The following LRBA variants were observed in gnomAD, a reference collection of about 807,000 sequenced individuals.
The protein encoded by LRBA is LPS responsive beige-like anchor protein.
LRBA carries 176 observed loss-of-function variants against 330.0 expected under a neutral mutation model. That is an observed-to-expected ratio of 0.53 (90% confidence interval 0.47 to 0.60). The LOEUF (loss-of-function observed/expected upper bound fraction) is 0.60, where lower values mean the gene tolerates loss of function less well. Ranked by LOEUF, LRBA falls within the 20% of genes least tolerant of loss-of-function variation. LRBA has a pLI of 0.00. For missense variants in LRBA, 3,259 were observed against 3,444.8 expected, an observed-to-expected ratio of 0.95 and a Z score of 1.35; for synonymous variants, 1,230 against 1,193.0, an observed-to-expected ratio of 1.03 and a Z score of -0.64.
chr4:150,565,942 T>C (rs186013154), intron 40 of LRBA, among the ~76,000 whole-genome samples: 118 of 151,902 alleles, frequency 7.8e-4, no homozygotes, highest in African/African-American at 2.5e-3. Flanking sequence ...AATCATAGCA[T>C]AGAGGCCAAG....
chr4:150,961,696 A>G (rs556172061), intron 2 of LRBA, among the ~76,000 whole-genome samples: 2 of 141,904 alleles, frequency 1.4e-5, no homozygotes, highest in East Asian at 4.0e-4. Context: ...ATGGGAAGCT[A>G]GCTCCATCAG....
intron 43 of LRBA, among the ~76,000 whole-genome samples, chr4:150,468,147 T>TA (rs897368920): frequency 1.2e-4 from 18 of 152,078 alleles, no homozygotes; most frequent in African/African-American, 4.1e-4. Context: ...CTCTTTTTTT[T>TA]ATGACTTTAA....
intron 56 of LRBA, among the ~76,000 whole-genome samples, chr4:150,269,090 A>G (rs1205442838): frequency 6.6e-6 from 1 of 152,208 alleles, no homozygotes; most frequent in African/African-American, 2.4e-5. Context: ...CTAACAAACA[A>G]TGAGCAGTCC....
At chr4:150,964,764 T>C (rs1335689533) in intron 2 of LRBA, among the ~76,000 whole-genome samples, 2 of 152,026 alleles carry the variant, frequency 1.3e-5, no homozygotes, top group African/African-American at 4.8e-5. Context: ...CCCTCCACTA[T>C]TGTCCTATGA....
rs566500689 is a variant in LRBA at position 150,670,141 on chromosome 4, G to A, written c.5921+13410C>T. On this transcript the variant is annotated intron_variant, in intron 37 of 56. Coordinates refer to ENST00000651943, the MANE Select transcript of LRBA (RefSeq NM_001364905.1). ...TTATCTTTTTTCTCATTATTCCATC[G>A]CCTTAAGTTTCAGTATTCACTGATT... 6.6e-5 allele frequency among the ~76,000 whole-genome samples: 10 copies of A among 152,012 alleles called. No individual in the cohort carries two copies. In the South Asian group the frequency reaches 8.3e-4, roughly 13 times the overall value.
rs1283564987 is a variant in LRBA, at chr4:150,749,795, G to C, written c.5645+11988C>G. Among the ~76,000 whole-genome samples, 3 of 151,980 alleles carry C rather than the reference G, an allele frequency of 2.0e-5. No individual in the cohort carries two copies. The East Asian group carries it at 5.8e-4, about 29-fold the overall frequency. ...TAAGCAGAAAAAAAAAACCCTGTAA[G>C]TTATATCATGCCACTCGTCTATTAA... On this transcript the variant is annotated intron_variant, in intron 35 of 56. Coordinates refer to ENST00000651943, the MANE Select transcript of LRBA (RefSeq NM_001364905.1).
chr4:150,603,270 A>G (rs1001726316), intron 37 of LRBA, among the ~76,000 whole-genome samples: 12 of 152,136 alleles, frequency 7.9e-5, no homozygotes, highest in Non-Finnish European at 1.8e-4. Context: ...TAATCTTTCT[A>G]ATTATTTTTT....
In LRBA at chr4:150,321,455, G is replaced by T; in HGVS notation, c.7453-87C>A. 1 of 1,183,310 alleles carries T rather than the reference G, an allele frequency of 8.5e-7. No homozygotes were observed. Among genetic ancestry groups the T allele is most frequent in the Non-Finnish European group, 1.2e-6 (1 of 857,722 alleles). The allele number at this position is 1,183,310 out of a possible 1,614,324, so 73.3% of individuals were successfully genotyped here. A position where few individuals can be genotyped will look rare whatever the true frequency, so the allele number is the denominator to read the frequency against. ...TGAAGAAAGACAAGAAAGAGAGGGG[G>T]TGCAGGAAAAGAAGAGGAAGACCAT... On this transcript the variant is annotated intron_variant, in intron 49 of 56. Coordinates refer to ENST00000651943, the MANE Select transcript of LRBA (RefSeq NM_001364905.1). The surrounding 1 kb of genome is among the most constrained non-coding windows in gnomAD (Gnocchi z 4.5).
chr4:150,396,561 C>T (rs1267130906), intron 47 of LRBA, among the ~76,000 whole-genome samples: 2 of 151,982 alleles, frequency 1.3e-5, no homozygotes, highest in Admixed American at 6.6e-5. Flanking sequence ...TCAACCCACT[C>T]AAGCTGGCAT....
At chr4:150,910,338 T>A (rs551563517) in intron 9 of LRBA, among the ~76,000 whole-genome samples, 41 of 152,290 alleles carry the variant, frequency 2.7e-4, no homozygotes, top group Non-Finnish European at 4.9e-4. Flanking sequence ...TTATATACAA[T>A]GTACAATATG....
chr4:150,780,910 C>A (rs551094345), intron 34 of LRBA, among the ~76,000 whole-genome samples: 1 of 152,008 alleles, frequency 6.6e-6, no homozygotes, highest in African/African-American at 2.4e-5. Flanking sequence ...GACGGAGTCT[C>A]GCTCTGTCAC....
At chr4:150,404,299 T>C (rs987139196) in intron 47 of LRBA, among the ~76,000 whole-genome samples, 2 of 152,160 alleles carry the variant, frequency 1.3e-5, no homozygotes, top group Non-Finnish European at 2.9e-5. Flanking sequence ...CACAATACCA[T>C]CTCAAGTAAT....
chr4:150,570,180 T>C (rs1411514618), intron 40 of LRBA, among the ~76,000 whole-genome samples: 1 of 152,140 alleles, frequency 6.6e-6, no homozygotes, highest in Non-Finnish European at 1.5e-5. Context: ...TGCCAAAACT[T>C]AGTTCAAATA....
intron 18 of LRBA, 89 bp from the exon 19 acceptor site, chr4:150,871,542 T>G: frequency 1.4e-6 from 1 of 738,522 alleles, no homozygotes; most frequent in Non-Finnish European, 2.4e-6. Flanking sequence ...CACAAAATAC[T>G]TTTTCACATT....
intron 40 of LRBA, among the ~76,000 whole-genome samples, chr4:150,514,491 G>A (rs1012264725): frequency 1.3e-5 from 2 of 152,130 alleles, no homozygotes; most frequent in Non-Finnish European, 2.9e-5. Context: ...CACAAGAAAT[G>A]CAGAAAAAAA....
Position 150,809,655 on chromosome 4 carries a change from G to A in LRBA, c.5306-1257C>T, listed in dbSNP as rs544302124. On this transcript the variant is annotated intron_variant, in intron 31 of 56. Transcript: ENST00000651943. ...GGACTGCTTGAGCTCAGGAGTTCAAGATTAGCCTGTGAAACACAGCAATGC... is the reference window on the plus strand; with the variant it reads ...GGACTGCTTGAGCTCAGGAGTTCAAAATTAGCCTGTGAAACACAGCAATGC... Among the ~76,000 whole-genome samples the A allele has an allele frequency of 5.3e-5, 8 of 152,272 alleles. No homozygotes were observed. The South Asian group carries it at 1.5e-3, about 28-fold the overall frequency.
At chr4:150,274,743 A>G (rs1181055551) in intron 56 of LRBA, among the ~76,000 whole-genome samples, 1 of 152,236 alleles carries the variant, frequency 6.6e-6, no homozygotes, top group African/African-American at 2.4e-5. Context: ...AGTCTAAACC[A>G]GGAAGAAGTC....
At chr4:150,851,001 A>G in intron 23 of LRBA, 99 bp from the exon 24 acceptor site, 1 of 803,650 alleles carries the variant, frequency 1.2e-6, no homozygotes, top group African/African-American at 1.8e-5. Context: ...TTCATCTAAC[A>G]CGTTTTTAAG....
At chr4:150,878,800 A>G (rs1728040940) in intron 17 of LRBA, among the ~76,000 whole-genome samples, 1 of 151,892 alleles carries the variant, frequency 6.6e-6, no homozygotes, top group African/African-American at 2.4e-5. Flanking sequence ...TGAACAGACC[A>G]GGATTGAGCT....
Sources: allele counts gnomAD v4.1 joint callset (sites outside exome capture counted in the v4.1 genomes callset), GRCh38; gene constraint gnomAD v4.1.1; non-coding constraint Gnocchi (gnomAD v3.1); transcripts MANE v1.5; gene names NCBI Gene and HGNC (gene_info 2026-07-23, HGNC 2026-07-21).